RB1CC1: variants seen among roughly 807,000 people sequenced by gnomAD.
The protein encoded by RB1CC1 is RB1-inducible coiled-coil protein 1.
A neutral mutation model predicts 177.5 loss-of-function variants in RB1CC1; 46 were observed. The observed-to-expected ratio is 0.26, with a 90% CI of 0.20 to 0.33. The LOEUF is 0.33. RB1CC1 is among the 10% of genes least tolerant of loss of function. The probability of loss-of-function intolerance (pLI) is 1.00; values close to 1 mark genes in which losing one functional copy is unlikely to be tolerated. For synonymous variants in RB1CC1, 666 were observed against 613.6 expected (o/e 1.09, Z -1.26); for missense variants, 1,703 against 1,816.3 (o/e 0.94, Z 1.13).
intron 1 of RB1CC1, among the ~76,000 whole-genome samples, chr8:52,698,856 ATTG>A (rs1345921223): frequency 2.0e-5 from 3 of 151,250 alleles, no homozygotes; most frequent in Non-Finnish European, 2.9e-5. Flanking sequence ...CGCCCGGCTA[ATTG>A]TTTTGTATTT....
At chr8:52,661,392 C>T in intron 9 of RB1CC1, 111 bp from the exon 10 acceptor site, 2 of 1,474,534 alleles carry the variant, frequency 1.4e-6, no homozygotes, top group Non-Finnish European at 1.8e-6. Context: ...GATATATAAG[C>T]TCTACAAAAA....
intron 1 of RB1CC1, among the ~76,000 whole-genome samples, chr8:52,713,851 C>A (rs919577417): frequency 3.3e-5 from 5 of 152,226 alleles, no homozygotes; most frequent in Non-Finnish European, 7.3e-5. Flanking sequence ...TCGACTCGAA[C>A]CGCTTTTGTC....
intron 20 of RB1CC1, among the ~76,000 whole-genome samples, chr8:52,634,450 C>G (rs999448803): frequency 6.6e-6 from 1 of 151,510 alleles, no homozygotes; most frequent in African/African-American, 2.4e-5. Context: ...CACTTGAACC[C>G]GGGAGGTGGA....
rs777354589 is a variant in RB1CC1, at chr8:52,628,000, G to GGTTTATATTTTAGTCAT, written c.4636+15_4636+31dup. On this transcript the variant is annotated intron_variant, in intron 22 of 23. Coordinates refer to ENST00000025008, the MANE Select transcript of RB1CC1 (RefSeq NM_014781.5). ...TACTTATATAATTTCCTCCATTCCA[G>GGTTTATATTTTAGTCAT]GTTTATATTTTAGTCATGGAATGAC... The GGTTTATATTTTAGTCAT allele has an allele frequency of 9.2e-6, 14 of 1,520,378 alleles. No homozygotes were observed. The Admixed American group carries it at 2.9e-4, about 32-fold the overall frequency. The allele number at this position is 1,520,378 out of a possible 1,614,324, so 94.2% of individuals were successfully genotyped here. A position where few individuals can be genotyped will look rare whatever the true frequency, so the allele number is the denominator to read the frequency against.
At chr8:52,660,868 A>C in intron 11 of RB1CC1, 58 bp downstream of exon 11, 1 of 1,434,978 alleles carries the variant, frequency 7.0e-7, no homozygotes, top group Non-Finnish European at 9.6e-7. Flanking sequence ...AGAAAATCCA[A>C]GCTTATAAAA....
At chr8:52,687,114 C>A (rs1854341429) in intron 1 of RB1CC1, 147 bp from the exon 2 acceptor site, 24 of 343,830 alleles carry the variant, frequency 7.0e-5, no homozygotes, top group South Asian at 5.0e-4. Flanking sequence ...ATAATAACAA[C>A]CACATGACTT....
In RB1CC1 at chr8:52,664,327, A is replaced by C. The variant is rs765984818; in HGVS notation, c.1174-2608T>G. Among the ~76,000 whole-genome samples the C allele has an allele frequency of 4.9e-4, 74 of 152,166 alleles. 1 individual carries two copies. Among genetic ancestry groups the C allele is most frequent in the South Asian group, 1.0e-3 (5 of 4,830 alleles). ...TTTTGCTCCCAATATACAACCAGAC[A>C]ATGTAGATGACTTCTTATGAATACT... On this transcript the variant is annotated intron_variant, in intron 8 of 23. Transcript: ENST00000025008.
Position 52,685,415 on chromosome 8 carries a change from C to A in RB1CC1, c.55G>T (p.Glu19Ter). The A allele has an allele frequency of 6.3e-7, 1 of 1,598,030 alleles. No homozygotes were observed. The highest frequency in any genetic ancestry group is 1.1e-5 in the South Asian group (1 of 89,638). ...NTGTTLTFDT[E>*]LTVQTVADLK... is the part of the protein sequence containing the mutation. ...ACAACTCACGTTTGCACTGTAAGTT[C>A]AGTGTCAAATGTTAGAGTAGTTCCA... Residue 19 changes from glutamate (E) to a stop codon, truncating the protein, a stop_gained, in exon 3 of 24, where the codon GAA becomes TAA. Transcript: ENST00000025008. LOFTEE classifies it high-confidence loss of function.
In RB1CC1 at chr8:52,714,222, C is replaced by T. The variant is rs1447434311; in HGVS notation, c.-314G>A. The T allele has an allele frequency of 3.2e-5, 7 of 221,396 alleles. No homozygotes were observed. Among genetic ancestry groups the T allele is most frequent in the South Asian group, 2.4e-4 (6 of 25,496 alleles). The allele number at this position is 221,396 out of a possible 1,614,324, so 13.7% of individuals were successfully genotyped here. A position where few individuals can be genotyped will look rare whatever the true frequency, so the allele number is the denominator to read the frequency against. ...CACAACCGCCGGCGTCCCGGGCGCC[C>T]GCCCGCCGCGGCCCCGAACTCTAGG... is the stretch of plus-strand genomic sequence containing the variant. On this transcript the variant is annotated 5_prime_UTR_variant, in exon 1 of 24. Transcript: ENST00000025008.
At chr8:52,695,644 TTC>T (rs1243934356) in intron 1 of RB1CC1, among the ~76,000 whole-genome samples, 1 of 152,188 alleles carries the variant, frequency 6.6e-6, no homozygotes, top group Non-Finnish European at 1.5e-5. Flanking sequence ...TCAGGTGAGC[TTC>T]CCTAGTGAGC....
chr8:52,648,361 G>A (rs1850252099), intron 15 of RB1CC1, among the ~76,000 whole-genome samples: 1 of 152,080 alleles, frequency 6.6e-6, no homozygotes, highest in South Asian at 2.1e-4. Flanking sequence ...GTGACTATCC[G>A]CCACACAACT....
intron 12 of RB1CC1, among the ~76,000 whole-genome samples, chr8:52,659,381 T>C (rs910364944): frequency 1.3e-5 from 2 of 152,210 alleles, no homozygotes; most frequent in Non-Finnish European, 2.9e-5. Flanking sequence ...TTTTTTTCCA[T>C]GTAACACTTT....
rs1229284176 is a variant in RB1CC1, at chr8:52,661,730, A to C, written c.1174-11T>G. ...ATTAGCTAAAAATCCCTTTGAGAAA[A>C]AAAATGTTTCAAAGGACATTAATTT... On this transcript the variant is annotated splice_polypyrimidine_tract_variant and intron_variant, in intron 8 of 23. Transcript: ENST00000025008. The C allele has an allele frequency of 3.9e-6, 6 of 1,533,460 alleles. No homozygotes were observed. The highest frequency in any genetic ancestry group is 1.8e-4 in the Middle Eastern group (1 of 5,700). The allele number at this position is 1,533,460 out of a possible 1,614,324, so 95.0% of individuals were successfully genotyped here. A position where few individuals can be genotyped will look rare whatever the true frequency, so the allele number is the denominator to read the frequency against.
rs541093646 is a variant in RB1CC1 at position 52,623,952 on chromosome 8, A to G, written c.4708-93T>C. On this transcript the variant is annotated intron_variant, in intron 23 of 23. Coordinates refer to ENST00000025008, the MANE Select transcript of RB1CC1 (RefSeq NM_014781.5). ...CACACACACCCAAAAAACAAAAAGA[A>G]ACAAAAAAATAAATAAACCACATCA... is the stretch of plus-strand genomic sequence containing the variant. 4 of 830,306 alleles carry G rather than the reference A, an allele frequency of 4.8e-6. No individual in the cohort carries two copies. In the African/African-American group the frequency reaches 6.8e-5, roughly 14 times the overall value. 51.4% of individuals were successfully genotyped at this position (830,306 alleles called of 1,614,324 possible). A position where few individuals can be genotyped will look rare whatever the true frequency, so the allele number is the denominator to read the frequency against.
At chr8:52,659,692 G>C (rs1268316002) in intron 12 of RB1CC1, among the ~76,000 whole-genome samples, 1 of 152,132 alleles carries the variant, frequency 6.6e-6, no homozygotes, top group East Asian at 1.9e-4. Flanking sequence ...CTGCAGTATA[G>C]AAACATGTTT....
intron 1 of RB1CC1, among the ~76,000 whole-genome samples, chr8:52,704,634 T>C (rs1192220952): frequency 6.6e-6 from 1 of 152,128 alleles, no homozygotes; most frequent in Non-Finnish European, 1.5e-5. Flanking sequence ...CTTGCAACTT[T>C]GGGAATGCTT....
intron 1 of RB1CC1, among the ~76,000 whole-genome samples, chr8:52,696,350 T>G (rs1262248940): frequency 1.3e-5 from 2 of 152,174 alleles, no homozygotes; most frequent in African/African-American, 4.8e-5. Context: ...CCTACTTTGG[T>G]TTCTAGAAAG....
At chr8:52,669,619 T>C (rs1192541867) in intron 7 of RB1CC1, among the ~76,000 whole-genome samples, 1 of 152,216 alleles carries the variant, frequency 6.6e-6, no homozygotes, top group Non-Finnish European at 1.5e-5. Context: ...TTGCACAATG[T>C]TGTCTCAACT....
chr8:52,683,833 C>CA, intron 4 of RB1CC1, 54 bp downstream of exon 4: 1 of 1,596,860 alleles, frequency 6.3e-7, no homozygotes, highest in Non-Finnish European at 8.5e-7. Flanking sequence ...ACTGAGTTCC[C>CA]AATGTGATGT....
Sources: gnomAD v4.1 joint callset for allele counts (sites outside exome capture counted in the v4.1 genomes callset) on GRCh38, gnomAD v4.1.1 for gene constraint, MANE v1.5 for transcripts, NCBI Gene and HGNC (gene_info 2026-07-23, HGNC 2026-07-21) for gene names.